The following IGF2BP2 variants were observed in gnomAD, a reference collection of about 807,000 sequenced individuals.
The protein encoded by IGF2BP2 is insulin like growth factor 2 mRNA binding protein 2.
In IGF2BP2, 17 loss-of-function variants were observed where a neutral mutation model predicts 75.8. The observed-to-expected ratio is 0.22, with a 90% confidence interval of 0.15 to 0.34. IGF2BP2 has a LOEUF of 0.34. Among genes scored for constraint, IGF2BP2 ranks in the 10% least tolerant of loss-of-function variants. The pLI is 1.00. For missense variants in IGF2BP2, 516 were observed against 772.4 expected, an observed-to-expected ratio of 0.67 and a Z score of 3.93; for synonymous variants, 288 against 295.6, an observed-to-expected ratio of 0.97 and a Z score of 0.26.
chr3:185,667,447 A>G (rs576161751), intron 10 of IGF2BP2, among the ~76,000 whole-genome samples: 32 of 152,296 alleles, frequency 2.1e-4, no homozygotes, highest in African/African-American at 7.7e-4. Context: ...GTGAACAGCT[A>G]CTGCACTCCA....
intron 2 of IGF2BP2, among the ~76,000 whole-genome samples, chr3:185,743,990 C>A (rs77339628): frequency 3.7e-4 from 56 of 152,276 alleles, no homozygotes; most frequent in African/African-American, 1.3e-3. Flanking sequence ...GGAAAAACTG[C>A]AGATAGTGCA....
At chr3:185,722,426 C>T (rs1390068479) in intron 2 of IGF2BP2, 1 of 336,840 alleles carries the variant, frequency 3.0e-6, no homozygotes, top group Admixed American at 4.2e-5. Context: ...CTACTTCCTC[C>T]ACCAGCCAAC....
At chr3:185,693,467 C>A (rs1722208449) in intron 4 of IGF2BP2, among the ~76,000 whole-genome samples, 1 of 152,096 alleles carries the variant, frequency 6.6e-6, no homozygotes, top group Admixed American at 6.5e-5. Flanking sequence ...TTTTGTTTCC[C>A]TTTGACTGAA....
chr3:185,701,381 AAAG>A (rs1367823134), intron 2 of IGF2BP2, among the ~76,000 whole-genome samples: 2,137 of 150,162 alleles, frequency 0.014, 14 homozygotes, highest in Middle Eastern at 0.031. Flanking sequence ...AAAAAAAAAA[AAAG>A]AAAGAAAGAA....
intron 10 of IGF2BP2, among the ~76,000 whole-genome samples, chr3:185,666,192 CCAGA>C (rs1354262200): frequency 1.3e-5 from 2 of 152,068 alleles, no homozygotes; most frequent in Admixed American, 6.6e-5. Flanking sequence ...AGAAAATACT[CCAGA>C]CAAACAACAA....
intron 2 of IGF2BP2, among the ~76,000 whole-genome samples, chr3:185,808,133 A>G (rs765817593): frequency 2.3e-4 from 16 of 68,504 alleles, no homozygotes; most frequent in Admixed American, 1.1e-3. Context: ...AAAAAAAAAA[A>G]AAGAAAGAAA....
chr3:185,648,763 G>A (rs1180416305), intron 14 of IGF2BP2, among the ~76,000 whole-genome samples: 1 of 152,148 alleles, frequency 6.6e-6, no homozygotes, highest in Admixed American at 6.6e-5. Flanking sequence ...GTTTGTTCCT[G>A]CACCTTCCAG....
At chr3:185,726,130 T>C (rs1191823729) in intron 2 of IGF2BP2, among the ~76,000 whole-genome samples, 1 of 152,134 alleles carries the variant, frequency 6.6e-6, no homozygotes. Context: ...TCTGAGAGTA[T>C]AATTTCACGA....
chr3:185,650,572 G>C (rs1286699095), intron 13 of IGF2BP2, among the ~76,000 whole-genome samples: 1 of 152,068 alleles, frequency 6.6e-6, no homozygotes, highest in East Asian at 1.9e-4. Flanking sequence ...AGCTACTCAG[G>C]AGGTTGAAGC....
At chr3:185,726,741 G>C (rs1360887284) in intron 2 of IGF2BP2, among the ~76,000 whole-genome samples, 2 of 152,204 alleles carry the variant, frequency 1.3e-5, no homozygotes, top group African/African-American at 2.4e-5. Context: ...TCTGTGTGGG[G>C]AAGTCCAGTT....
intron 7 of IGF2BP2, among the ~76,000 whole-genome samples, chr3:185,677,066 T>TAG (rs1185215668): frequency 6.3e-4 from 24 of 38,380 alleles, no homozygotes; most frequent in South Asian, 8.8e-4. Context: ...TATATATATA[T>TAG]ATAGAGAGAG....
chr3:185,799,563 A>G (rs1183312309), intron 2 of IGF2BP2, among the ~76,000 whole-genome samples: 1 of 152,166 alleles, frequency 6.6e-6, no homozygotes, highest in Non-Finnish European at 1.5e-5. Flanking sequence ...CCTGGCTAAC[A>G]CGGTGAAACC....
intron 2 of IGF2BP2, chr3:185,767,955 A>G (rs142429276): frequency 2.9e-4 from 44 of 152,468 alleles, no homozygotes; most frequent in Middle Eastern, 2.2e-3. Context: ...TCTTTAATCC[A>G]ATTATACTTC....
At chr3:185,796,072 C>T (rs1484347231) in intron 2 of IGF2BP2, among the ~76,000 whole-genome samples, 1 of 152,002 alleles carries the variant, frequency 6.6e-6, no homozygotes, top group South Asian at 2.1e-4. Context: ...TTTTTGATGT[C>T]CGAGTATGAA....
chr3:185,748,444 C>T (rs911013246), intron 2 of IGF2BP2, among the ~76,000 whole-genome samples: 1 of 152,146 alleles, frequency 6.6e-6, no homozygotes, highest in Non-Finnish European at 1.5e-5. Context: ...CAAACAGCAA[C>T]CTTTTCAAAC....
At position 185,643,242 on chromosome 3, in the gene IGF2BP2, C is replaced by T. The variant is rs558475857; in HGVS notation, c.*2289G>A. Among the ~76,000 whole-genome samples, 5 of 152,298 alleles carry T rather than the reference C, an allele frequency of 3.3e-5. No homozygotes were observed. Among genetic ancestry groups the T allele is most frequent in the Middle Eastern group, 3.4e-3 (1 of 294 alleles). On this transcript the variant is annotated 3_prime_UTR_variant, in exon 16 of 16. Transcript: ENST00000382199. ...CTTACTAGTGAGCTTCCCGTGGAGG[C>T]GTGAAGTGCCTCTTCCCGGAACTGC...
chr3:185,701,726 T>C (rs1723335179), intron 2 of IGF2BP2, among the ~76,000 whole-genome samples: 1 of 152,222 alleles, frequency 6.6e-6, no homozygotes, highest in South Asian at 2.1e-4. Context: ...AAAGCTGGAC[T>C]GTCGCACCTC....
chr3:185,656,546 A>C (rs956023266), intron 12 of IGF2BP2, among the ~76,000 whole-genome samples: 1 of 152,258 alleles, frequency 6.6e-6, no homozygotes, highest in African/African-American at 2.4e-5. Flanking sequence ...CCATGGTAGC[A>C]AATTATTTTG....
At chr3:185,765,541 T>C (rs1383929309) in intron 2 of IGF2BP2, among the ~76,000 whole-genome samples, 1 of 152,076 alleles carries the variant, frequency 6.6e-6, no homozygotes, top group East Asian at 1.9e-4. Context: ...CATTTCTAGA[T>C]GCCAGTGTAC....
Sources: gnomAD v4.1 joint callset for allele counts (sites outside exome capture counted in the v4.1 genomes callset) on GRCh38, gnomAD v4.1.1 for gene constraint, MANE v1.5 for transcripts, NCBI Gene and HGNC (gene_info 2026-07-23, HGNC 2026-07-21) for gene names.